RANBP2: variants seen among roughly 807,000 people sequenced by gnomAD.
RANBP2 encodes the protein E3 SUMO-protein ligase RanBP2.
A neutral mutation model predicts 303.6 loss-of-function variants in RANBP2; 57 were observed. The ratio of observed to expected loss-of-function variants is 0.19; its 90% CI spans 0.15 to 0.23. The LOEUF (loss-of-function observed/expected upper bound fraction) is 0.23. Ranked by LOEUF, RANBP2 falls within the 10% of genes least tolerant of loss-of-function variation. The pLI is 1.00. For missense variants in RANBP2, 3,138 were observed against 3,780.8 expected, an observed-to-expected ratio of 0.83 and a Z score of 4.46; for synonymous variants, 1,167 against 1,301.5, an observed-to-expected ratio of 0.90 and a Z score of 2.23.
chr2:108,813,188 G>C, the RANBP2 span, among the ~76,000 whole-genome samples: 6 of 145,484 alleles, frequency 4.1e-5, no homozygotes, highest in South Asian at 1.3e-3. Context: ...GGCGGAGGTT[G>C]CAGTGAGCCG....
chr2:109,394,618 A>G, the RANBP2 span, among the ~76,000 whole-genome samples: 1 of 152,272 alleles, frequency 6.6e-6, no homozygotes, highest in African/African-American at 2.4e-5. Context: ...TTCCATTAAA[A>G]AACATGAAAA....
chr2:109,601,968 A>C, the RANBP2 span, among the ~76,000 whole-genome samples: 1 of 152,196 alleles, frequency 6.6e-6, no homozygotes, highest in Non-Finnish European at 1.5e-5. Context: ...TCCCGAGGGA[A>C]AAACCAGGAC....
At chr2:109,271,111 G>T in the RANBP2 span, among the ~76,000 whole-genome samples, 1 of 152,168 alleles carries the variant, frequency 6.6e-6, no homozygotes, top group African/African-American at 2.4e-5. Context: ...CCCAGCCAGC[G>T]AACGGGGCGA....
At chr2:109,229,419 A>C in the RANBP2 span, among the ~76,000 whole-genome samples, 3 of 152,142 alleles carry the variant, frequency 2.0e-5, no homozygotes, top group Non-Finnish European at 4.4e-5. Context: ...CCAGGATCCC[A>C]TACTGCCTCA....
At chr2:109,614,462 C>T in the RANBP2 span, 2 of 1,212,950 alleles carry the variant, frequency 1.6e-6, no homozygotes, top group African/African-American at 1.6e-5. Context: ...CTGAGCCGCC[C>T]GCTGGCGGGG....
At chr2:109,437,465 C>T in the RANBP2 span, among the ~76,000 whole-genome samples, 1 of 152,190 alleles carries the variant, frequency 6.6e-6, no homozygotes, top group African/African-American at 2.4e-5. Context: ...AATATTTACA[C>T]ATTTCATTGT....
chr2:108,963,600 G>A, the RANBP2 span, among the ~76,000 whole-genome samples: 61 of 152,194 alleles, frequency 4.0e-4, no homozygotes, highest in African/African-American at 1.4e-3. Flanking sequence ...CAAGACAGAA[G>A]ACAATTACAA....
At chr2:109,323,569 C>A in the RANBP2 span, among the ~76,000 whole-genome samples, 1 of 152,178 alleles carries the variant, frequency 6.6e-6, no homozygotes, top group Non-Finnish European at 1.5e-5. Context: ...GAGCCCCCAG[C>A]GAAGCTTGAA....
chr2:108,912,826 A>T, the RANBP2 span: 1 of 1,372,652 alleles, frequency 7.3e-7, no homozygotes. Flanking sequence ...AGACGCTGCC[A>T]CAGAGCTCAT....
At chr2:109,142,656 C>T in the RANBP2 span, among the ~76,000 whole-genome samples, 7 of 152,078 alleles carry the variant, frequency 4.6e-5, no homozygotes, top group Non-Finnish European at 7.4e-5. Flanking sequence ...ATCTTGGAGC[C>T]CTCCATCCTG....
chr2:109,349,769 T>A, the RANBP2 span, among the ~76,000 whole-genome samples: 4 of 152,212 alleles, frequency 2.6e-5, no homozygotes, highest in Admixed American at 2.6e-4. Flanking sequence ...GTAGGCCTGC[T>A]TCTCTGGGCA....
the RANBP2 span, among the ~76,000 whole-genome samples, chr2:108,950,866 C>T: frequency 6.6e-5 from 10 of 152,242 alleles, no homozygotes; most frequent in African/African-American, 2.2e-4. Flanking sequence ...GAGCAAGGGA[C>T]CCAGGCCTTC....
downstream of RANBP2, chr2:108,786,700 T>G: frequency 1.1e-6 from 1 of 931,234 alleles, no homozygotes; most frequent in East Asian, 2.8e-5. Flanking sequence ...CCCCGCCCTT[T>G]CCCTGCCGCC....
At chr2:109,197,020 G>A in the RANBP2 span, among the ~76,000 whole-genome samples, 11 of 152,232 alleles carry the variant, frequency 7.2e-5, no homozygotes, top group African/African-American at 2.4e-4. Context: ...ATAGCCCTGT[G>A]AGTGGGTGCC....
At chr2:108,726,954 G>A (rs1694765289) in intron 1 of RANBP2, among the ~76,000 whole-genome samples, 2 of 152,176 alleles carry the variant, frequency 1.3e-5, no homozygotes, top group South Asian at 4.1e-4. Context: ...TTGGGGGTAA[G>A]GTCACAGATC....
the RANBP2 span, chr2:109,615,343 G>C: frequency 6.2e-7 from 1 of 1,612,366 alleles, no homozygotes; most frequent in Non-Finnish European, 8.5e-7. Flanking sequence ...AGCCTGGAGG[G>C]CTTGCTCACC....
At chr2:109,372,712 A>G in the RANBP2 span, among the ~76,000 whole-genome samples, 1 of 152,084 alleles carries the variant, frequency 6.6e-6, no homozygotes, top group South Asian at 2.1e-4. Context: ...TCCTGCTCTC[A>G]CACCATATCC....
chr2:108,944,785 A>G, the RANBP2 span, among the ~76,000 whole-genome samples: 1 of 152,304 alleles, frequency 6.6e-6, no homozygotes, highest in East Asian at 1.9e-4. Context: ...CTGAGGTCAC[A>G]GAGTCAAGGG....
chr2:109,328,512 A>G, the RANBP2 span, among the ~76,000 whole-genome samples: 5 of 151,752 alleles, frequency 3.3e-5, no homozygotes, highest in Non-Finnish European at 5.9e-5. Context: ...TTGTTTACAC[A>G]TGTTTGTTTT....
Sources: allele counts gnomAD v4.1 joint callset (sites outside exome capture counted in the v4.1 genomes callset), GRCh38; gene constraint gnomAD v4.1.1; transcripts MANE v1.5; gene names NCBI Gene and HGNC (gene_info 2026-07-23, HGNC 2026-07-21).